The following MYO3B variants were observed in gnomAD, a reference collection of about 807,000 sequenced individuals.
The protein encoded by MYO3B is myosin IIIB.
A neutral mutation model predicts 174.6 loss-of-function variants in MYO3B; 156 were observed. The observed-to-expected ratio is 0.89, with a 90% CI of 0.78 to 1.02. The LOEUF is 1.02. Ranked by LOEUF, MYO3B falls within the 50% of genes least tolerant of loss-of-function variation. MYO3B has a pLI of 0.00. For synonymous variants in MYO3B, 563 were observed against 569.1 expected, an observed-to-expected ratio of 0.99 and a Z score of 0.15; for missense variants, 1,632 against 1,639.4, an observed-to-expected ratio of 1.00 and a Z score of 0.08.
rs1281010659 is a variant in MYO3B, at chr2:170,387,143, T to G, written c.1412T>G (p.Val471Gly). 2 of 1,614,096 alleles carry G rather than the reference T, an allele frequency of 1.2e-6. No individual in the cohort carries two copies. Among genetic ancestry groups the G allele is most frequent in the Non-Finnish European group, 1.7e-6 (2 of 1,179,934 alleles). The change falls in exon 14 of 35, where the codon GTC (valine) becomes GGC (glycine). Residue 471 changes from valine (V) to glycine (G), a missense_variant. Transcript: ENST00000408978. Reference protein sequence around the residue: ...NQTLREKILQVNSLVEAFGNS... With the variant: ...NQTLREKILQGNSLVEAFGNS... Reference sequence around the variant, plus strand: ...ACCTTGAGAGAGAAAATTCTACAAGTCAACTCCCTGGTGGAAGCCTTTGGG... The same window carrying G: ...ACCTTGAGAGAGAAAATTCTACAAGGCAACTCCCTGGTGGAAGCCTTTGGG...
chr2:170,373,263 A>G (rs2094261834), intron 9 of MYO3B, among the ~76,000 whole-genome samples: 1 of 152,242 alleles, frequency 6.6e-6, no homozygotes, highest in African/African-American at 2.4e-5. Context: ...CCTGGTTCAC[A>G]ATGCAATCAT....
At chr2:170,611,961 A>G (rs1389977958) in intron 32 of MYO3B, among the ~76,000 whole-genome samples, 1 of 152,186 alleles carries the variant, frequency 6.6e-6, no homozygotes, top group Non-Finnish European at 1.5e-5. Context: ...AAAAATAGAA[A>G]AATTATGTTG....
chr2:170,327,688 A>G (rs1162127506), intron 7 of MYO3B, among the ~76,000 whole-genome samples: 2 of 152,072 alleles, frequency 1.3e-5, no homozygotes, highest in Non-Finnish European at 2.9e-5. Flanking sequence ...TTTAGCACTT[A>G]GCATGGATAT....
rs546158764 is a variant in MYO3B at position 170,602,346 on chromosome 2, C to T, written c.3734-49282C>T. 67 of 646,720 alleles carry T rather than the reference C, an allele frequency of 1.0e-4. 1 individual carries two copies. The highest frequency in any genetic ancestry group is 2.2e-4 in the South Asian group (12 of 53,930). The allele number at this position is 646,720 out of a possible 1,614,324, so 40.1% of individuals were successfully genotyped here. ...CTGCAGTGGCTGTGAGAGTGGGAGC[C>T]GGGCATAGCCTCCTCACCCTCTCCA... is the stretch of plus-strand genomic sequence containing the variant. On this transcript the variant is annotated intron_variant, in intron 32 of 34. Transcript: ENST00000408978.
intron 32 of MYO3B, among the ~76,000 whole-genome samples, chr2:170,576,071 T>C (rs1278148849): frequency 6.6e-6 from 1 of 152,220 alleles, no homozygotes; most frequent in Non-Finnish European, 1.5e-5. Context: ...TGCAGTGCTC[T>C]TTCTTTAAAG....
At chr2:170,583,375 T>G (rs1693281231) in intron 32 of MYO3B, among the ~76,000 whole-genome samples, 1 of 152,120 alleles carries the variant, frequency 6.6e-6, no homozygotes, top group Non-Finnish European at 1.5e-5. Flanking sequence ...TGGCATCATT[T>G]CTAAATTTGC....
chr2:170,400,562 G>A (rs1385815858), intron 17 of MYO3B, among the ~76,000 whole-genome samples: 3 of 151,672 alleles, frequency 2.0e-5, no homozygotes. Context: ...CTGCCACCAC[G>A]CCTGGCTAAT....
chr2:170,355,850 T>C (rs1239540179), intron 8 of MYO3B, among the ~76,000 whole-genome samples: 1 of 152,204 alleles, frequency 6.6e-6, no homozygotes, highest in Non-Finnish European at 1.5e-5. Flanking sequence ...GATTTAGCAA[T>C]GGATTAAGAC....
chr2:170,224,430 A>T (rs1234765229), intron 6 of MYO3B, among the ~76,000 whole-genome samples: 4 of 152,236 alleles, frequency 2.6e-5, no homozygotes, highest in Admixed American at 2.6e-4. Context: ...CAGTGTGTTC[A>T]TATGGGATAT....
chr2:170,556,820 C>A (rs1452527351), intron 32 of MYO3B, among the ~76,000 whole-genome samples: 1 of 152,186 alleles, frequency 6.6e-6, no homozygotes, highest in African/African-American at 2.4e-5. Context: ...CTGCACCTGG[C>A]CAGATTTTGA....
At position 170,213,012 on chromosome 2, in the gene MYO3B, A is replaced by G. The variant is rs144415259; in HGVS notation, c.322-1367A>G. 2.9e-3 allele frequency among the ~76,000 whole-genome samples: 444 copies of G among 152,350 alleles called. 3 individuals carry two copies. The highest frequency in any genetic ancestry group is 0.01 in the African/African-American group (425 of 41,576). ...CTCCCCAGTAAACTGCAAGATGCATATACAGCATGCTGCCTACAATTTCAG... is the reference window on the plus strand; with the variant it reads ...CTCCCCAGTAAACTGCAAGATGCATGTACAGCATGCTGCCTACAATTTCAG... On this transcript the variant is annotated intron_variant, in intron 3 of 34. Coordinates refer to ENST00000408978, the MANE Select transcript of MYO3B (RefSeq NM_138995.5).
chr2:170,596,049 G>A (rs1177949235), intron 32 of MYO3B, among the ~76,000 whole-genome samples: 1 of 152,176 alleles, frequency 6.6e-6, no homozygotes, highest in African/African-American at 2.4e-5. Context: ...TGAAATGGAT[G>A]TCTTCTCCCA....
In MYO3B at chr2:170,214,482, T is replaced by C. The variant is rs2092806559; in HGVS notation, c.425T>C (p.Leu142Ser). 1.2e-6 allele frequency: 2 copies of C among 1,613,798 alleles called. No homozygotes were observed. The highest frequency in any genetic ancestry group is 1.7e-6 in the Non-Finnish European group (2 of 1,179,710). ...TCATACATCTTGTACGGGGCCCTCT[T>C]GGTAAGAACATCTATCAAATGGGGT... Reference protein sequence around the residue: ...MISYILYGALLGLQHLHNNRI... With the variant: ...MISYILYGALSGLQHLHNNRI... Residue 142 changes from leucine to serine, a missense_variant and splice_region_variant, in exon 4 of 35, where the codon TTG becomes TCG. Transcript: ENST00000408978.
At chr2:170,513,577 C>T (rs1688113065) in intron 28 of MYO3B, among the ~76,000 whole-genome samples, 1 of 152,182 alleles carries the variant, frequency 6.6e-6, no homozygotes. Context: ...ACCCTGTTTC[C>T]AACTAAAGTC....
At position 170,485,513 on chromosome 2, in the gene MYO3B, C is replaced by A. The variant is rs76516280; in HGVS notation, c.3015-13079C>A. Among the ~76,000 whole-genome samples, 548 of 151,998 alleles carry A rather than the reference C, an allele frequency of 3.6e-3. 1 individual carries two copies. The highest frequency in any genetic ancestry group is 0.012 in the African/African-American group (516 of 41,448). ...CCACACTTTTTATACCATTTGCCAA[C>A]TGCTTTTCTACTTATACATGTTAGA... On this transcript the variant is annotated intron_variant, in intron 25 of 34. Coordinates refer to ENST00000408978, the MANE Select transcript of MYO3B (RefSeq NM_138995.5).
intron 28 of MYO3B, among the ~76,000 whole-genome samples, chr2:170,503,030 C>T (rs531953397): frequency 1.2e-4 from 19 of 152,202 alleles, no homozygotes; most frequent in Non-Finnish European, 2.6e-4. Flanking sequence ...ATTCTTGTTA[C>T]AGCTTAAGAG....
At chr2:170,557,329 T>C (rs1413143508) in intron 32 of MYO3B, among the ~76,000 whole-genome samples, 3 of 151,730 alleles carry the variant, frequency 2.0e-5, no homozygotes, top group East Asian at 3.9e-4. Context: ...TTAGTAGAGA[T>C]GGGGTTTCAC....
chr2:170,546,489 G>A (rs764438428), intron 32 of MYO3B, among the ~76,000 whole-genome samples: 2 of 152,238 alleles, frequency 1.3e-5, no homozygotes, highest in Non-Finnish European at 2.9e-5. Context: ...AATAGATATA[G>A]TGTACTAGTG....
chr2:170,646,370 G>A (rs1407241025), intron 32 of MYO3B, among the ~76,000 whole-genome samples: 1 of 151,484 alleles, frequency 6.6e-6, no homozygotes, highest in Non-Finnish European at 1.5e-5. Context: ...GGAACAAGTT[G>A]CTTAGTTCTG....
Sources: allele counts gnomAD v4.1 joint callset (sites outside exome capture counted in the v4.1 genomes callset), GRCh38; gene constraint gnomAD v4.1.1; transcripts MANE v1.5; gene names NCBI Gene and HGNC (gene_info 2026-07-23, HGNC 2026-07-21).